The following GLI2 variants were observed in gnomAD, a reference collection of about 807,000 sequenced individuals.
GLI2 encodes GLI family zinc finger 2, also known as transcription activator GLI2.
Under a neutral mutation model 78.9 loss-of-function variants are expected in GLI2, and 22 were observed. The observed-to-expected ratio is 0.28, with a 90% CI of 0.20 to 0.40. The LOEUF (loss-of-function observed/expected upper bound fraction) is 0.40, where lower values mean the gene tolerates loss of function less well. Ranked by LOEUF, GLI2 falls within the 10% of genes least tolerant of loss-of-function variation. GLI2 has a pLI of 1.00. For synonymous variants in GLI2, 974 were observed against 963.7 expected, an observed-to-expected ratio of 1.01 and a Z score of -0.20; for missense variants, 2,097 against 2,213.2, an observed-to-expected ratio of 0.95 and a Z score of 1.05.
intron 1 of GLI2, among the ~76,000 whole-genome samples, chr2:120,742,692 A>G (rs1161267595): frequency 6.6e-6 from 1 of 152,110 alleles, no homozygotes; most frequent in African/African-American, 2.4e-5. Context: ...AAAAAAAGGA[A>G]AGAGGGAAAG....
intron 1 of GLI2, among the ~76,000 whole-genome samples, chr2:120,774,485 C>T (rs906101589): frequency 2.0e-5 from 3 of 152,234 alleles, no homozygotes; most frequent in Non-Finnish European, 4.4e-5. Context: ...CTCCCCATCC[C>T]TGGCAGCCAC....
intron 2 of GLI2, among the ~76,000 whole-genome samples, chr2:120,904,087 T>C (rs1451856433): frequency 6.6e-6 from 1 of 152,060 alleles, no homozygotes; most frequent in East Asian, 1.9e-4. Flanking sequence ...AGGCATGTGT[T>C]TATCCCATGA....
At chr2:120,951,567 G>C in intron 4 of GLI2, 122 bp downstream of exon 4, 1 of 648,980 alleles carries the variant, frequency 1.5e-6, no homozygotes, top group Non-Finnish European at 2.7e-6. Context: ...GACCAGGCTG[G>C]CTGGCGTTCC....
chr2:120,986,236 G>C (rs1289518676), intron 12 of GLI2, 42 bp from the exon 13 acceptor site: 1 of 1,571,466 alleles, frequency 6.4e-7, no homozygotes, highest in South Asian at 1.1e-5. Flanking sequence ...GGTGGAATCT[G>C]ATACCCTCTG....
chr2:120,824,950 C>T (rs1055551627), intron 2 of GLI2, among the ~76,000 whole-genome samples: 9 of 152,204 alleles, frequency 5.9e-5, no homozygotes, highest in Non-Finnish European at 2.9e-5. Context: ...ATCCTCCCAC[C>T]TCACCCTCCC....
rs568001894 is a variant in GLI2, at chr2:120,988,204, G to A, written c.2243-4G>A. ...CCGGTGCTGACCCCTCTGCTCTCCCGCAGGCTCCATCCTGGAAAACTTCAG... is the reference window on the plus strand; with the variant it reads ...CCGGTGCTGACCCCTCTGCTCTCCCACAGGCTCCATCCTGGAAAACTTCAG... On this transcript the variant is annotated splice_polypyrimidine_tract_variant and splice_region_variant and intron_variant, in intron 13 of 13. Coordinates refer to ENST00000361492, the MANE Select transcript of GLI2 (RefSeq NM_001374353.1). 100 of 1,585,178 alleles carry A rather than the reference G, an allele frequency of 6.3e-5. No homozygotes were observed. In the South Asian group the frequency reaches 7.5e-4, roughly 12 times the overall value.
intron 1 of GLI2, among the ~76,000 whole-genome samples, chr2:120,789,331 C>T (rs1355545767): frequency 6.6e-6 from 1 of 152,040 alleles, no homozygotes; most frequent in African/African-American, 2.4e-5. Context: ...GTCTCACCTA[C>T]TTCTGTCTCC....
At chr2:120,742,017 G>A (rs952094293) in intron 1 of GLI2, among the ~76,000 whole-genome samples, 3 of 152,236 alleles carry the variant, frequency 2.0e-5, no homozygotes, top group African/African-American at 7.2e-5. Context: ...CCATTGGCCT[G>A]CCCTCTTGCC....
At chr2:120,967,643 CAT>C (rs1036796515) in intron 5 of GLI2, among the ~76,000 whole-genome samples, 18 of 152,250 alleles carry the variant, frequency 1.2e-4, no homozygotes, top group South Asian at 4.1e-4. Flanking sequence ...TGTGTCCACA[CAT>C]ATGTGTGCAT....
chr2:120,798,783 C>T (rs62150674), intron 2 of GLI2, among the ~76,000 whole-genome samples: 3,127 of 152,214 alleles, frequency 0.021, 58 homozygotes, highest in Non-Finnish European at 0.034. Flanking sequence ...GCTGGTGGAG[C>T]GGCCCTGGTC....
intron 1 of GLI2, among the ~76,000 whole-genome samples, chr2:120,752,505 G>A (rs1188953403): frequency 6.6e-6 from 1 of 152,020 alleles, no homozygotes; most frequent in East Asian, 1.9e-4. Flanking sequence ...TCCTGACCTC[G>A]TGATCCGCCC....
chr2:120,956,839 G>A (rs979002920), intron 5 of GLI2, among the ~76,000 whole-genome samples: 1 of 152,126 alleles, frequency 6.6e-6, no homozygotes, highest in African/African-American at 2.4e-5. Flanking sequence ...ATGAGACTCA[G>A]GGTGGGCTGC....
intron 1 of GLI2, among the ~76,000 whole-genome samples, chr2:120,751,092 G>A (rs1682858958): frequency 6.6e-6 from 1 of 152,194 alleles, no homozygotes; most frequent in South Asian, 2.1e-4. Flanking sequence ...TGACTGTGTG[G>A]CTCCCACAGG....
chr2:120,931,293 A>T (rs1679933670), intron 3 of GLI2, among the ~76,000 whole-genome samples: 1 of 151,866 alleles, frequency 6.6e-6, no homozygotes, highest in African/African-American at 2.4e-5. Context: ...CACACACATC[A>T]CCTTTTCCCC....
At chr2:120,948,206 C>G (rs1192493686) in intron 3 of GLI2, among the ~76,000 whole-genome samples, 1 of 152,202 alleles carries the variant, frequency 6.6e-6, no homozygotes, top group African/African-American at 2.4e-5. Flanking sequence ...TGTCTGGATG[C>G]AGTGTGCTCG....
chr2:120,841,848 G>GTGTGTGTGTGTGTGT (rs1686889253), intron 2 of GLI2, among the ~76,000 whole-genome samples: 1 of 132,636 alleles, frequency 7.5e-6, no homozygotes, highest in African/African-American at 2.8e-5. Context: ...CAGTCTGGAG[G>GTGTGTGTGTGTGTGT]GTGTGTGTGT....
chr2:120,764,728 G>T (rs146658211), intron 1 of GLI2, among the ~76,000 whole-genome samples: 1 of 152,328 alleles, frequency 6.6e-6, no homozygotes, highest in African/African-American at 2.4e-5. Context: ...TTAAAAGTGC[G>T]TGTTGCTATT....
intron 2 of GLI2, among the ~76,000 whole-genome samples, chr2:120,873,853 G>A (rs62150744): frequency 0.025 from 3,792 of 152,252 alleles, 82 homozygotes; most frequent in Admixed American, 0.038. Flanking sequence ...TGCAGAGTTC[G>A]TAACGACAGA....
intron 2 of GLI2, among the ~76,000 whole-genome samples, chr2:120,862,357 C>G (rs995953787): frequency 1.3e-5 from 2 of 152,200 alleles, no homozygotes; most frequent in African/African-American, 4.8e-5. Flanking sequence ...CAGGCTCCTG[C>G]TGTGTGCCAG....
Sources: allele counts gnomAD v4.1 joint callset (sites outside exome capture counted in the v4.1 genomes callset), GRCh38; gene constraint gnomAD v4.1.1; transcripts MANE v1.5; gene names NCBI Gene and HGNC (gene_info 2026-07-23, HGNC 2026-07-21).